The following SHB variants were observed in gnomAD, a reference collection of about 807,000 sequenced individuals.
SHB encodes the protein SH2 domain containing adaptor protein B, also known as SH2 domain-containing adapter protein B.
Under a neutral mutation model 52.3 loss-of-function variants are expected in SHB, and 20 were observed. The ratio of observed to expected loss-of-function variants is 0.38; its 90% CI spans 0.27 to 0.56. The LOEUF (loss-of-function observed/expected upper bound fraction) is 0.56. Ranked by LOEUF, SHB falls within the 20% of genes least tolerant of loss-of-function variation. The pLI, the probability that SHB is intolerant of heterozygous loss-of-function variation, is 0.71. For missense variants in SHB, 825 were observed against 723.3 expected, an observed-to-expected ratio of 1.14 and a Z score of -1.61; for synonymous variants, 397 against 316.5, an observed-to-expected ratio of 1.25 and a Z score of -2.70.
intron 1 of SHB, among the ~76,000 whole-genome samples, chr9:38,032,038 A>C (rs757541297): frequency 9.2e-5 from 14 of 152,110 alleles, no homozygotes; most frequent in Non-Finnish European, 1.9e-4. Flanking sequence ...ATGGGGGCTG[A>C]GTCCCAGAGC....
intron 1 of SHB, among the ~76,000 whole-genome samples, chr9:38,037,365 C>A (rs990176330): frequency 6.6e-6 from 1 of 152,178 alleles, no homozygotes; most frequent in Non-Finnish European, 1.5e-5. Flanking sequence ...CACCACTGCC[C>A]GCTCCAGTCA....
At chr9:38,009,124 T>C (rs1298611167) in intron 2 of SHB, among the ~76,000 whole-genome samples, 1 of 152,222 alleles carries the variant, frequency 6.6e-6, no homozygotes, top group African/African-American at 2.4e-5. Flanking sequence ...CAGGCTCCTT[T>C]TTCTGAGAAG....
intron 2 of SHB, among the ~76,000 whole-genome samples, chr9:37,986,772 G>T (rs554997322): frequency 6.6e-6 from 1 of 152,326 alleles, no homozygotes; most frequent in Non-Finnish European, 1.5e-5. Context: ...AACCATGACA[G>T]GGCGGGCATC....
At chr9:37,965,046 T>A (rs951984382) in intron 3 of SHB, among the ~76,000 whole-genome samples, 10 of 152,206 alleles carry the variant, frequency 6.6e-5, no homozygotes, top group Middle Eastern at 3.2e-3. Flanking sequence ...GGAAAGTGAC[T>A]TTTTCCCCAT....
intron 1 of SHB, among the ~76,000 whole-genome samples, chr9:38,051,049 GT>G (rs1390057024): frequency 6.6e-6 from 1 of 152,124 alleles, no homozygotes; most frequent in Non-Finnish European, 1.5e-5. Context: ...CCTCAAAACA[GT>G]TTGCCTGGAT....
chr9:37,963,044 C>T (rs1475246156), intron 3 of SHB, among the ~76,000 whole-genome samples: 3 of 152,206 alleles, frequency 2.0e-5, no homozygotes, highest in African/African-American at 4.8e-5. Flanking sequence ...TGCTTTGGGA[C>T]TGCAGCCCTG....
intron 5 of SHB, among the ~76,000 whole-genome samples, chr9:37,944,162 G>A (rs1183858522): frequency 2.0e-5 from 3 of 152,168 alleles, no homozygotes; most frequent in South Asian, 4.1e-4. Flanking sequence ...AGGCAGAATC[G>A]CCGAAGACGA....
At chr9:37,974,961 A>T in intron 2 of SHB, 124 bp from the exon 3 acceptor site, 2 of 817,716 alleles carry the variant, frequency 2.4e-6, no homozygotes, top group Non-Finnish European at 4.0e-6. Flanking sequence ...AGAGAGACAG[A>T]CCCCTGTCTG....
chr9:37,985,074 T>C (rs1483030023), intron 2 of SHB, among the ~76,000 whole-genome samples: 3 of 152,128 alleles, frequency 2.0e-5, no homozygotes, highest in African/African-American at 7.2e-5. Flanking sequence ...GTCATCTCTT[T>C]TCCAGGCATG....
chr9:38,024,286 C>T (rs902083271), intron 1 of SHB, among the ~76,000 whole-genome samples: 1 of 152,236 alleles, frequency 6.6e-6, no homozygotes, highest in Non-Finnish European at 1.5e-5. Flanking sequence ...AGCCACTATC[C>T]GTTTTTCTAC....
At chr9:37,949,392 C>CAAAAAAA (rs771495216) in intron 4 of SHB, among the ~76,000 whole-genome samples, 11 of 49,918 alleles carry the variant, frequency 2.2e-4, no homozygotes, top group East Asian at 4.4e-4. Flanking sequence ...GACTCCATCT[C>CAAAAAAA]AAAAAAAAAA....
At chr9:38,034,134 T>A (rs139695831) in intron 1 of SHB, among the ~76,000 whole-genome samples, 35 of 152,320 alleles carry the variant, frequency 2.3e-4, no homozygotes, top group African/African-American at 7.0e-4. Context: ...GAGTTCAATG[T>A]GCACCTCTCA....
At chr9:38,034,333 T>C (rs1345308628) in intron 1 of SHB, among the ~76,000 whole-genome samples, 1 of 152,218 alleles carries the variant, frequency 6.6e-6, no homozygotes, top group Non-Finnish European at 1.5e-5. Flanking sequence ...ACAGCCAACC[T>C]GACCACAGGC....
At chr9:37,941,107 A>G (rs1406419008) in intron 5 of SHB, among the ~76,000 whole-genome samples, 1 of 152,198 alleles carries the variant, frequency 6.6e-6, no homozygotes, top group East Asian at 1.9e-4. Context: ...CATTCTTTCC[A>G]GCTGTAGCCA....
At chr9:37,952,689 T>C (rs1303698761) in intron 4 of SHB, among the ~76,000 whole-genome samples, 2 of 152,026 alleles carry the variant, frequency 1.3e-5, no homozygotes, top group South Asian at 2.1e-4. Flanking sequence ...CTGGCAGAAT[T>C]TGGTAAAGCA....
intron 5 of SHB, among the ~76,000 whole-genome samples, chr9:37,928,043 C>T (rs368409626): frequency 2.6e-5 from 4 of 152,028 alleles, no homozygotes; most frequent in Non-Finnish European, 4.4e-5. Flanking sequence ...CAGCCCTGGG[C>T]GCTTCCCCAA....
chr9:37,978,243 C>T (rs1045590006), intron 2 of SHB, among the ~76,000 whole-genome samples: 5 of 152,228 alleles, frequency 3.3e-5, no homozygotes, highest in Admixed American at 6.5e-5. Flanking sequence ...AATCAGAGGA[C>T]TTGTGCATAC....
At position 37,918,845 on chromosome 9, in the gene SHB, GT is replaced by G. The variant is rs1040872121; in HGVS notation, c.*975del. On this transcript the variant is annotated 3_prime_UTR_variant, in exon 6 of 6. Coordinates refer to ENST00000377707, the MANE Select transcript of SHB (RefSeq NM_003028.3). ...GTCCCACTGCAGGAGGGAAAGACTG[GT>G]TTTTTGGTCAACACTGGAGGCTCCT... 1.4e-5 allele frequency among the ~76,000 whole-genome samples: 2 copies of G among 146,090 alleles called. No homozygotes were observed. The highest frequency in any genetic ancestry group is 5.6e-5 in the African/African-American group (2 of 35,818).
chr9:38,020,358 C>T (rs1215345396), intron 1 of SHB, among the ~76,000 whole-genome samples: 1 of 152,168 alleles, frequency 6.6e-6, no homozygotes, highest in African/African-American at 2.4e-5. Flanking sequence ...AACAAGCAAG[C>T]CAGGTGATCC....
Sources: gnomAD v4.1 joint callset for allele counts (sites outside exome capture counted in the v4.1 genomes callset) on GRCh38, gnomAD v4.1.1 for gene constraint, MANE v1.5 for transcripts, NCBI Gene and HGNC (gene_info 2026-07-23, HGNC 2026-07-21) for gene names.